Variants in SLC35F4 observed in about 807,000 individuals in gnomAD.
SLC35F4 encodes the protein chromosome 14 open reading frame 36.
A neutral mutation model predicts 44.2 loss-of-function variants in SLC35F4; 24 were observed. The ratio of observed to expected loss-of-function variants is 0.54; its 90% CI spans 0.39 to 0.76. The LOEUF (loss-of-function observed/expected upper bound fraction) is 0.76. Ranked by LOEUF, SLC35F4 falls within the 30% of genes least tolerant of loss-of-function variation. The probability of loss-of-function intolerance (pLI) is 0.00; values close to 1 mark genes in which losing one functional copy is unlikely to be tolerated. For missense variants in SLC35F4, 562 were observed against 586.1 expected, an observed-to-expected ratio of 0.96 and a Z score of 0.42; for synonymous variants, 238 against 223.6, an observed-to-expected ratio of 1.06 and a Z score of -0.57.
intron 1 of SLC35F4, among the ~76,000 whole-genome samples, chr14:57,947,832 T>C (rs1056786684): frequency 1.3e-5 from 2 of 152,226 alleles, no homozygotes; most frequent in African/African-American, 2.4e-5. Context: ...TTCACATTTA[T>C]TGACTTTCAT....
intron 1 of SLC35F4, among the ~76,000 whole-genome samples, chr14:57,682,295 C>A (rs1209139132): frequency 6.6e-6 from 1 of 152,126 alleles, no homozygotes; most frequent in African/African-American, 2.4e-5. Flanking sequence ...CACATATACA[C>A]CACGGAATAC....
At chr14:57,856,939 T>C (rs1365224138) in intron 1 of SLC35F4, among the ~76,000 whole-genome samples, 3 of 152,074 alleles carry the variant, frequency 2.0e-5, no homozygotes, top group African/African-American at 7.3e-5. Context: ...ATTTTCTTTC[T>C]TATGATTCAG....
intron 1 of SLC35F4, among the ~76,000 whole-genome samples, chr14:57,627,522 A>G (rs1464401730): frequency 6.6e-6 from 1 of 152,154 alleles, no homozygotes; most frequent in Admixed American, 6.6e-5. Context: ...TTTAAAAAGA[A>G]GCATTATTTA....
intron 1 of SLC35F4, among the ~76,000 whole-genome samples, chr14:57,820,936 A>C (rs1361734724): frequency 6.6e-6 from 1 of 152,270 alleles, no homozygotes; most frequent in Non-Finnish European, 1.5e-5. Flanking sequence ...AAAGCTTGCT[A>C]TCACATAAGG....
At chr14:57,671,906 A>G (rs1176279522) in intron 1 of SLC35F4, among the ~76,000 whole-genome samples, 1 of 152,028 alleles carries the variant, frequency 6.6e-6, no homozygotes, top group African/African-American at 2.4e-5. Flanking sequence ...ACATTACTTG[A>G]AACCACATTT....
chr14:57,638,244 C>T (rs2140151122), intron 1 of SLC35F4, among the ~76,000 whole-genome samples: 1 of 152,226 alleles, frequency 6.6e-6, no homozygotes, highest in African/African-American at 2.4e-5. Flanking sequence ...CAGTAACTTT[C>T]TCCTGATAAG....
Position 57,860,286 on chromosome 14 carries a change from A to C in SLC35F4, c.103+5437T>G, listed in dbSNP as rs982414083. Among the ~76,000 whole-genome samples the C allele has an allele frequency of 2.6e-5, 4 of 152,214 alleles. No homozygotes were observed. In the East Asian group the frequency reaches 7.7e-4, roughly 29 times the overall value. On this transcript the variant is annotated intron_variant, in intron 1 of 7. Transcript: ENST00000556826. ...TAGACAACCATCATAGAACCTGATC[A>C]CTAATGGAGTATAGAAAAAACAAAA...
At chr14:57,615,454 A>G (rs1188230576) in intron 1 of SLC35F4, among the ~76,000 whole-genome samples, 1 of 152,152 alleles carries the variant, frequency 6.6e-6, no homozygotes, top group Admixed American at 6.5e-5. Context: ...TATGTGATCA[A>G]TTAAACTTAT....
At chr14:57,798,092 A>T (rs2140840003) in intron 1 of SLC35F4, among the ~76,000 whole-genome samples, 1 of 142,870 alleles carries the variant, frequency 7.0e-6, no homozygotes. Flanking sequence ...GAGCCTAGGT[A>T]AACTTCACAC....
At chr14:57,965,554 A>G (rs1370960160) in intron 1 of SLC35F4, among the ~76,000 whole-genome samples, 1 of 152,162 alleles carries the variant, frequency 6.6e-6, no homozygotes, top group Admixed American at 6.5e-5. Flanking sequence ...TGTCAACCAC[A>G]CCTAGCATGC....
intron 1 of SLC35F4, among the ~76,000 whole-genome samples, chr14:57,925,495 AAGGGAGGGAGGGAGGGAGGG>A (rs11275945): frequency 0.14 from 7,719 of 53,882 alleles, 587 homozygotes; most frequent in Non-Finnish European, 0.18. Context: ...GGAAGGAAGG[AAGGGAGGGAGGGAGGGAGGG>A]AGGGAGGGAG....
rs541739331 is a variant in SLC35F4, at chr14:57,838,756, A to G, written c.103+26967T>C. On this transcript the variant is annotated intron_variant, in intron 1 of 7. Transcript: ENST00000556826. ...TAAGAACTTTTTTTTAAGAATGATC[A>G]CTTTACATTGTGGGCCAGGGAGATT... Among the ~76,000 whole-genome samples, 107 of 152,302 alleles carry G rather than the reference A, an allele frequency of 7.0e-4. 2 individuals carry two copies. Among genetic ancestry groups the G allele is most frequent in the Admixed American group, 8.5e-4 (13 of 15,298 alleles).
intron 1 of SLC35F4, among the ~76,000 whole-genome samples, chr14:57,755,408 A>C (rs1363106803): frequency 3.9e-5 from 6 of 152,198 alleles, no homozygotes; most frequent in African/African-American, 1.4e-4. Context: ...ACAATCTAAA[A>C]GGCCTATTTT....
At chr14:57,723,612 C>T (rs533683936) in intron 1 of SLC35F4, among the ~76,000 whole-genome samples, 6 of 152,392 alleles carry the variant, frequency 3.9e-5, no homozygotes, top group African/African-American at 1.2e-4. Flanking sequence ...ACCTGGTATG[C>T]AGCCATTGAC....
chr14:57,944,190 C>T (rs938602790), intron 1 of SLC35F4, among the ~76,000 whole-genome samples: 1 of 152,138 alleles, frequency 6.6e-6, no homozygotes, highest in African/African-American at 2.4e-5. Flanking sequence ...CCAGGCTGAC[C>T]AAAAGAGGGT....
chr14:57,590,852 C>T (rs1039941834), intron 2 of SLC35F4, among the ~76,000 whole-genome samples: 3 of 152,210 alleles, frequency 2.0e-5, no homozygotes, highest in Non-Finnish European at 4.4e-5. Context: ...CCAGAGCCTA[C>T]TGGCTCTCCG....
At chr14:57,579,819 C>T (rs1473567555) in intron 4 of SLC35F4, among the ~76,000 whole-genome samples, 1 of 152,196 alleles carries the variant, frequency 6.6e-6, no homozygotes, top group Non-Finnish European at 1.5e-5. Flanking sequence ...AAGGTCCCCA[C>T]CCTTGGCTCA....
At chr14:57,912,074 TC>T (rs1299152982) in intron 1 of SLC35F4, among the ~76,000 whole-genome samples, 4 of 151,990 alleles carry the variant, frequency 2.6e-5, no homozygotes, top group African/African-American at 9.7e-5. Context: ...TCATAATATT[TC>T]TTTATTATCC....
chr14:57,733,830 A>AC (rs1317576038), intron 1 of SLC35F4, among the ~76,000 whole-genome samples: 4 of 134,998 alleles, frequency 3.0e-5, no homozygotes, highest in Non-Finnish European at 7.0e-5. Flanking sequence ...TGTGTTATAA[A>AC]GGATAATGCT....
Sources: gnomAD v4.1 joint callset for allele counts (sites outside exome capture counted in the v4.1 genomes callset) on GRCh38, gnomAD v4.1.1 for gene constraint, MANE v1.5 for transcripts, NCBI Gene and HGNC (gene_info 2026-07-23, HGNC 2026-07-21) for gene names.